Variants in B4GALT7 observed in about 807,000 individuals in gnomAD.
B4GALT7 encodes beta-1,4-galactosyltransferase 7.
B4GALT7 carries 30 observed loss-of-function variants against 33.0 expected under a neutral mutation model. The observed-to-expected ratio is 0.91, with a 90% confidence interval of 0.68 to 1.23. The LOEUF is 1.23. B4GALT7 is among the 50% of genes most tolerant of loss of function. The probability of loss-of-function intolerance (pLI) is 0.00; values close to 1 mark genes in which losing one functional copy is unlikely to be tolerated. For missense variants in B4GALT7, 507 were observed against 450.8 expected, an observed-to-expected ratio of 1.12 and a Z score of -1.13; for synonymous variants, 213 against 187.2, an observed-to-expected ratio of 1.14 and a Z score of -1.13.
chr5:177,604,079 A>G, intron 1 of B4GALT7, 100 bp from the exon 2 acceptor site: 2 of 1,544,672 alleles, frequency 1.3e-6, no homozygotes, highest in Non-Finnish European at 1.8e-6. Context: ...CTTGGGGTAG[A>G]CGAGTTATGT....
At position 177,609,837 on chromosome 5, in the gene B4GALT7, G is replaced by A. The variant is rs1232604532; in HGVS notation, c.*142G>A. Reference sequence around the variant, plus strand: ...CAAGCTACGCAATTGCAGCCACCCGGCCGCCAAGGCAGGCTTGGGCTGGGC... The same window carrying A: ...CAAGCTACGCAATTGCAGCCACCCGACCGCCAAGGCAGGCTTGGGCTGGGC... On this transcript the variant is annotated 3_prime_UTR_variant, in exon 6 of 6. Coordinates refer to ENST00000029410, the MANE Select transcript of B4GALT7 (RefSeq NM_007255.3). 4 of 1,174,000 alleles carry A rather than the reference G, an allele frequency of 3.4e-6. No homozygotes were observed. Among genetic ancestry groups the A allele is most frequent in the Non-Finnish European group, 4.8e-6 (4 of 828,830 alleles). The allele number at this position is 1,174,000 out of a possible 1,614,324, so 72.7% of individuals were successfully genotyped here. A position where few individuals can be genotyped will look rare whatever the true frequency, so the allele number is the denominator to read the frequency against.
At chr5:177,607,571 T>C in intron 3 of B4GALT7, 44 bp downstream of exon 3, 1 of 1,565,708 alleles carries the variant, frequency 6.4e-7, no homozygotes, top group Non-Finnish European at 8.7e-7. Context: ...GGGAGCTCCC[T>C]CCAGGCTGCG....
rs907105202 is a variant in B4GALT7, at chr5:177,606,828, A to G, written c.414-474A>G. The G allele has an allele frequency of 3.0e-5, 7 of 234,160 alleles. No homozygotes were observed. The highest frequency in any genetic ancestry group is 2.9e-4 in the South Asian group (5 of 17,402). 14.5% of individuals were successfully genotyped at this position (234,160 alleles called of 1,614,324 possible). A position where few individuals can be genotyped will look rare whatever the true frequency, so the allele number is the denominator to read the frequency against. On this transcript the variant is annotated intron_variant, in intron 2 of 5. Transcript: ENST00000029410. This position sits in a 1 kb window ranked among gnomAD's most constrained non-coding sequence, Gnocchi z 4.2. ...TCCTGCCTCCTGCCGTGGCAGTGCC[A>G]TCTCTCCTATGCAGAGCCCTAGGCA...
chr5:177,608,340 G>A lies in B4GALT7; in HGVS notation c.640-199G>A. ...TTGAGAAGGTGAGCCTCTCACACAG[G>A]TTCAAGGCCCCGTGAGAACGGGAGA... is the stretch of plus-strand genomic sequence containing the variant. On this transcript the variant is annotated intron_variant, in intron 3 of 5. Coordinates refer to ENST00000029410, the MANE Select transcript of B4GALT7 (RefSeq NM_007255.3). The surrounding 1 kb of genome is among the most constrained non-coding windows in gnomAD (Gnocchi z 4.1). 1 of 594,898 alleles carries A rather than the reference G, an allele frequency of 1.7e-6. No individual in the cohort carries two copies. Among genetic ancestry groups the A allele is most frequent in the Non-Finnish European group, 3.0e-6 (1 of 333,264 alleles). The allele number at this position is 594,898 out of a possible 1,614,324, so 36.9% of individuals were successfully genotyped here. A position where few individuals can be genotyped will look rare whatever the true frequency, so the allele number is the denominator to read the frequency against.
At position 177,604,444 on chromosome 5, in the gene B4GALT7, G is replaced by A. The variant is rs2127511686; in HGVS notation, c.316G>A (p.Glu106Lys). The change falls in exon 2 of 6, where the codon GAG becomes AAG. Residue 106 changes from glutamate (E) to lysine (K), a missense_variant. Physicochemically the swap from Glu to Lys is moderately conservative, Grantham distance 56. Coordinates refer to ENST00000029410, the MANE Select transcript of B4GALT7 (RefSeq NM_007255.3). ...AVLVPFRERFEELLVFVPHMR... is the reference protein window; with the variant it reads ...AVLVPFRERFKELLVFVPHMR... ...GCTGGTGCCCTTCCGCGAACGCTTC[G>A]AGGAGCTCCTGGTCTTCGTGCCCCA... The A allele has an allele frequency of 6.2e-7, 1 of 1,613,930 alleles. No homozygotes were observed. Among genetic ancestry groups the A allele is most frequent in the Non-Finnish European group, 8.5e-7 (1 of 1,179,912 alleles).
chr5:177,605,253 G>A (rs763862121), intron 2 of B4GALT7: 12 of 338,112 alleles, frequency 3.5e-5, no homozygotes, highest in South Asian at 6.7e-5. Flanking sequence ...TGCTGCTGGC[G>A]TAATCCCAGC....
At position 177,606,126 on chromosome 5, in the gene B4GALT7, T is replaced by A. The variant is rs1768000621; in HGVS notation, c.414-1176T>A. ...CGGTGCTTCGGCAGCCCCCCTTTTT[T>A]AACTCCAGGTGTTCCTTGGGGCATC... On this transcript the variant is annotated intron_variant, in intron 2 of 5. Coordinates refer to ENST00000029410, the MANE Select transcript of B4GALT7 (RefSeq NM_007255.3). The surrounding 1 kb of genome is among the most constrained non-coding windows in gnomAD (Gnocchi z 4.2). 1 of 152,230 alleles carries A rather than the reference T, an allele frequency of 6.6e-6. No individual in the cohort carries two copies. The allele number at this position is 152,230 out of a possible 1,614,324, so 9.4% of individuals were successfully genotyped here.
Position 177,606,851 on chromosome 5 carries a change from G to C in B4GALT7, c.414-451G>C. 3.2e-6 allele frequency: 1 copy of C among 317,294 alleles called. No homozygotes were observed. The highest frequency in any genetic ancestry group is 6.2e-6 in the Non-Finnish European group (1 of 160,086). The allele number at this position is 317,294 out of a possible 1,614,324, so 19.7% of individuals were successfully genotyped here. On this transcript the variant is annotated intron_variant, in intron 2 of 5. Transcript: ENST00000029410. The surrounding 1 kb of genome is among the most constrained non-coding windows in gnomAD (Gnocchi z 4.2). ...CCATCTCTCCTATGCAGAGCCCTAG[G>C]CACCCACTGCCCTGTGGGTCATCTC...
chr5:177,600,287 C>T lies in B4GALT7; in HGVS notation c.50+27C>T, dbSNP rs1446000315. 7 of 1,301,022 alleles carry T rather than the reference C, an allele frequency of 5.4e-6. No individual in the cohort carries two copies. Among genetic ancestry groups the T allele is most frequent in the East Asian group, 6.3e-5 (2 of 31,992 alleles). The allele number at this position is 1,301,022 out of a possible 1,614,324, so 80.6% of individuals were successfully genotyped here. A position where few individuals can be genotyped will look rare whatever the true frequency, so the allele number is the denominator to read the frequency against. On this transcript the variant is annotated intron_variant, in intron 1 of 5. Coordinates refer to ENST00000029410, the MANE Select transcript of B4GALT7 (RefSeq NM_007255.3). This position sits in a 1 kb window ranked among gnomAD's most constrained non-coding sequence, Gnocchi z 4.4. Reference sequence around the variant, plus strand: ...TGAGCGGCGGCGGTGGGCCCGGGCCCCGTCCTCCCGGGCGCCGCTCCCTTC... The same window carrying T: ...TGAGCGGCGGCGGTGGGCCCGGGCCTCGTCCTCCCGGGCGCCGCTCCCTTC...
rs1768122605 is a variant in B4GALT7 at position 177,609,669 on chromosome 5, G to A, written c.958G>A (p.Ala320Thr). The A allele has an allele frequency of 3.7e-6, 6 of 1,612,840 alleles. No homozygotes were observed. The highest frequency in any genetic ancestry group is 1.7e-4 in the Middle Eastern group (1 of 5,866). ...CATCATGTTGGACTGTGACAAGACC[G>A]CCACACCCTGGTGCACATTCAGCTG... Reference protein sequence around the residue: ...LNIMLDCDKTATPWCTFS With the variant: ...LNIMLDCDKTTTPWCTFS Residue 320 changes from alanine to threonine, a missense_variant, in exon 6 of 6, where the codon GCC becomes ACC. Physicochemically the swap from Ala to Thr is moderately conservative, Grantham distance 58 (BLOSUM62 0). Transcript: ENST00000029410.
At position 177,602,205 on chromosome 5, in the gene B4GALT7, G is replaced by C. The variant is rs931353274; in HGVS notation, c.50+1945G>C. On this transcript the variant is annotated intron_variant, in intron 1 of 5. Transcript: ENST00000029410. ...CAGGATAATGGGGGGTAAGTCAGAAGCCCTGGGGGGTTTCCTACCAGGCCA... is the reference window on the plus strand; with the variant it reads ...CAGGATAATGGGGGGTAAGTCAGAACCCCTGGGGGGTTTCCTACCAGGCCA... Among the ~76,000 whole-genome samples, 5 of 152,156 alleles carry C rather than the reference G, an allele frequency of 3.3e-5. No homozygotes were observed. The East Asian group carries it at 5.8e-4, about 18-fold the overall frequency.
chr5:177,609,115 C>T (rs1245429697), intron 5 of B4GALT7, 101 bp downstream of exon 5: 8 of 1,115,276 alleles, frequency 7.2e-6, no homozygotes, highest in Non-Finnish European at 1.1e-5. Context: ...TGGTCCCATC[C>T]TCCCCTGCTT....
Position 177,607,400 on chromosome 5 carries a change from A to G in B4GALT7, c.512A>G (p.Glu171Gly). 1 of 1,614,080 alleles carries G rather than the reference A, an allele frequency of 6.2e-7. No individual in the cohort carries two copies. Among genetic ancestry groups the G allele is most frequent in the Non-Finnish European group, 8.5e-7 (1 of 1,180,002 alleles). The change falls in exon 3 of 6, where the codon GAG (glutamate) becomes GGG (glycine). Residue 171 changes from glutamate (E) to glycine (G), a missense_variant. Glu to Gly is a moderately conservative substitution (Grantham distance 98). Transcript: ENST00000029410. ...GACGTTGACCTGCTCCCTCTCAACG[A>G]GGAGCTGGACTATGGCTTTCCTGAG... ...MHDVDLLPLN[E>G]ELDYGFPEAG...
intron 5 of B4GALT7, among the ~76,000 whole-genome samples, 174 bp downstream of exon 5, chr5:177,609,188 G>A (rs1265975576): frequency 1.3e-5 from 2 of 152,140 alleles, no homozygotes; most frequent in Non-Finnish European, 2.9e-5. Context: ...GGCTGCTGTG[G>A]GCACCCTGGG....
At chr5:177,605,005 T>G (rs1197271953) in intron 2 of B4GALT7, 2 of 456,012 alleles carry the variant, frequency 4.4e-6, no homozygotes, top group Admixed American at 4.7e-5. Flanking sequence ...GACCACAGCC[T>G]GAGATCTCAC....
At chr5:177,603,181 A>G in intron 1 of B4GALT7, 6 of 984,764 alleles carry the variant, frequency 6.1e-6, no homozygotes, top group Non-Finnish European at 7.2e-6. Flanking sequence ...ACGCCTGGCC[A>G]GGAGATAGAA....
chr5:177,600,686 C>G lies in B4GALT7; in HGVS notation c.50+426C>G, dbSNP rs1380913391. Among the ~76,000 whole-genome samples, 1 of 152,166 alleles carries G rather than the reference C, an allele frequency of 6.6e-6. No homozygotes were observed. Among genetic ancestry groups the G allele is most frequent in the African/African-American group, 2.4e-5 (1 of 41,422 alleles). On this transcript the variant is annotated intron_variant, in intron 1 of 5. Transcript: ENST00000029410. The surrounding 1 kb of genome is among the most constrained non-coding windows in gnomAD (Gnocchi z 4.4). ...TGGATTTGTGTTTCTCAATTTGTCT[C>G]TGATCCCTGAGGACGTGTATTCCGT...
rs759074485 is a variant in B4GALT7, at chr5:177,607,351, A to G, written c.463A>G (p.Ser155Gly). The change falls in exon 3 of 6, where the codon AGC (serine) becomes GGC (glycine). Residue 155 changes from serine (S) to glycine (G), a missense_variant. Transcript: ENST00000029410. ...INVGFLESSN[S>G]TDYIAMHDVD... ...CGTGGGCTTCCTGGAGAGCAGCAAC[A>G]GCACGGACTACATTGCCATGCACGA... The G allele has an allele frequency of 2.5e-6, 4 of 1,613,932 alleles. No individual in the cohort carries two copies. The highest frequency in any genetic ancestry group is 3.4e-6 in the Non-Finnish European group (4 of 1,179,948).
In B4GALT7 at chr5:177,608,856, G is replaced by C. The variant is rs1768093217; in HGVS notation, c.724-54G>C. On this transcript the variant is annotated intron_variant, in intron 4 of 5. Transcript: ENST00000029410. The surrounding 1 kb of genome is among the most constrained non-coding windows in gnomAD (Gnocchi z 4.1). ...GTGGGACCTCGGGAGCTGGTGGTGA[G>C]GGCTGGGGCTCCAGGAAGGGCAGCC... is the stretch of plus-strand genomic sequence containing the variant. 4 of 1,493,268 alleles carry C rather than the reference G, an allele frequency of 2.7e-6. No individual in the cohort carries two copies. In the African/African-American group the frequency reaches 4.1e-5, roughly 15 times the overall value. 92.5% of individuals were successfully genotyped at this position (1,493,268 alleles called of 1,614,324 possible).
Sources: gnomAD v4.1 joint callset for allele counts (sites outside exome capture counted in the v4.1 genomes callset) on GRCh38, gnomAD v4.1.1 for gene constraint, Gnocchi (gnomAD v3.1) non-coding constraint, MANE v1.5 for transcripts, NCBI Gene and HGNC (gene_info 2026-07-23, HGNC 2026-07-21) for gene names.